The following PTPRD variants were observed in gnomAD, a reference collection of about 807,000 sequenced individuals.
The protein encoded by PTPRD is receptor-type tyrosine-protein phosphatase delta.
PTPRD carries 34 observed loss-of-function variants against 214.5 expected under a neutral mutation model. The ratio of observed to expected loss-of-function variants is 0.16; its 90% CI spans 0.12 to 0.21. The LOEUF is 0.21. Ranked by LOEUF, PTPRD falls within the 10% of genes least tolerant of loss-of-function variation. PTPRD has a pLI of 1.00. For missense variants in PTPRD, 2,545 were observed against 2,398.7 expected (o/e 1.06, Z -1.27); for synonymous variants, 1,128 against 845.7 (o/e 1.33, Z -5.79).
rs1555538041 is a variant in PTPRD at position 10,065,191 on chromosome 9, G to GAAAGAAAGAAAGAAAGAAAGA, written c.-544-31402_-544-31401insTCTTTCTTTCTTTCTTTCTTT. Among the ~76,000 whole-genome samples, 10 of 151,150 alleles carry GAAAGAAAGAAAGAAAGAAAGA rather than the reference G, an allele frequency of 6.6e-5. No individual in the cohort carries two copies. In the East Asian group the frequency reaches 7.8e-4, roughly 12 times the overall value. On this transcript the variant is annotated intron_variant, in intron 3 of 45. Coordinates refer to ENST00000381196, the MANE Select transcript of PTPRD (RefSeq NM_002839.4). ...AGAAAGAAAGAAAGAAAGAAAGAAA[G>GAAAGAAAGAAAGAAAGAAAGA]AAAAGGATGCTTTGCAGAGGTCCAG... is the stretch of plus-strand genomic sequence containing the variant.
At chr9:10,458,651 C>G (rs1379105316) in intron 2 of PTPRD, among the ~76,000 whole-genome samples, 2 of 152,150 alleles carry the variant, frequency 1.3e-5, no homozygotes, top group Admixed American at 1.3e-4. Flanking sequence ...GATGCCCATT[C>G]TTGCCACTTC....
chr9:9,159,910 G>C (rs115396785), intron 10 of PTPRD, among the ~76,000 whole-genome samples: 2,450 of 152,162 alleles, frequency 0.016, 81 homozygotes, highest in African/African-American at 0.057. Flanking sequence ...GTCATTTGTG[G>C]GCAATTGATT....
At chr9:9,579,702 T>C (rs892598042) in intron 7 of PTPRD, among the ~76,000 whole-genome samples, 10 of 152,194 alleles carry the variant, frequency 6.6e-5, no homozygotes, top group African/African-American at 9.6e-5. Flanking sequence ...AGCTTAGAGA[T>C]ACAGATTGTT....
chr9:9,738,921 G>A (rs950408867), intron 6 of PTPRD, among the ~76,000 whole-genome samples: 1 of 151,968 alleles, frequency 6.6e-6, no homozygotes, highest in Non-Finnish European at 1.5e-5. Context: ...TCTTTCAGTA[G>A]ATGCATTCTG....
chr9:8,687,041 A>G (rs10121040), intron 12 of PTPRD, among the ~76,000 whole-genome samples: 2,312 of 152,328 alleles, frequency 0.015, 66 homozygotes, highest in African/African-American at 0.05. Context: ...ATCAATTAAA[A>G]TTATCCTGGG....
At chr9:8,935,864 T>G (rs2098993318) in intron 11 of PTPRD, among the ~76,000 whole-genome samples, 1 of 152,168 alleles carries the variant, frequency 6.6e-6, no homozygotes, top group Non-Finnish European at 1.5e-5. Context: ...CCTTTTGGGG[T>G]TACATCACCA....
intron 11 of PTPRD, among the ~76,000 whole-genome samples, chr9:8,980,007 T>TAC (rs940508562): frequency 1.4e-4 from 21 of 151,108 alleles, no homozygotes; most frequent in Admixed American, 5.9e-4. Context: ...GTGGTGTGTG[T>TAC]ACACACACAC....
intron 3 of PTPRD, among the ~76,000 whole-genome samples, chr9:10,087,397 A>G (rs1468921937): frequency 6.6e-6 from 1 of 151,666 alleles, no homozygotes; most frequent in Non-Finnish European, 1.5e-5. Context: ...AGATGTTCCA[A>G]TAATGCTAAG....
At chr9:9,058,561 TGCCTCA>T (rs1346424634) in intron 10 of PTPRD, among the ~76,000 whole-genome samples, 1 of 144,750 alleles carries the variant, frequency 6.9e-6, no homozygotes, top group African/African-American at 2.5e-5. Flanking sequence ...GCCATTCTCC[TGCCTCA>T]GCCTCCCGAG....
At chr9:8,752,685 T>C (rs914775062) in intron 11 of PTPRD, among the ~76,000 whole-genome samples, 7 of 151,894 alleles carry the variant, frequency 4.6e-5, no homozygotes, top group Admixed American at 3.9e-4. Flanking sequence ...TGAAAGACCA[T>C]GGGGAGCAGA....
intron 43 of PTPRD, among the ~76,000 whole-genome samples, chr9:8,332,955 T>TA (rs1564011710): frequency 3.3e-5 from 5 of 152,146 alleles, no homozygotes; most frequent in Admixed American, 6.5e-5. Context: ...CCCAAGGTTC[T>TA]GGGTAAGTGA....
chr9:8,878,917 C>T (rs1024381487), intron 11 of PTPRD, among the ~76,000 whole-genome samples: 3 of 152,184 alleles, frequency 2.0e-5, no homozygotes, highest in African/African-American at 7.2e-5. Context: ...ACCCTGGTGA[C>T]TCTGGTTAGA....
chr9:9,563,774 C>T (rs1480613313), intron 8 of PTPRD, among the ~76,000 whole-genome samples: 1 of 152,076 alleles, frequency 6.6e-6, no homozygotes, highest in East Asian at 1.9e-4. Flanking sequence ...CATTGGTATG[C>T]CCAAGTAATA....
chr9:10,075,069 A>C (rs1222625147), intron 3 of PTPRD, among the ~76,000 whole-genome samples: 1 of 152,098 alleles, frequency 6.6e-6, no homozygotes, highest in Non-Finnish European at 1.5e-5. Flanking sequence ...TGGAGTAATA[A>C]GTTATTGATG....
At chr9:8,549,085 G>C (rs984268955) in intron 14 of PTPRD, among the ~76,000 whole-genome samples, 3 of 152,124 alleles carry the variant, frequency 2.0e-5, no homozygotes, top group Non-Finnish European at 2.9e-5. Flanking sequence ...GGGGGACAAA[G>C]AGAAAGCCCA....
intron 11 of PTPRD, among the ~76,000 whole-genome samples, chr9:8,912,351 A>G (rs2098754090): frequency 2.0e-5 from 3 of 152,190 alleles, no homozygotes; most frequent in Admixed American, 2.0e-4. Context: ...GATAAACCCT[A>G]AAACATGGAT....
intron 9 of PTPRD, among the ~76,000 whole-genome samples, chr9:9,194,810 G>C (rs2099937310): frequency 6.6e-6 from 1 of 151,994 alleles, no homozygotes; most frequent in Non-Finnish European, 1.5e-5. Flanking sequence ...ATTACTAAAA[G>C]GGGATGTGGA....
At chr9:10,538,706 T>C (rs1590344773) in intron 2 of PTPRD, among the ~76,000 whole-genome samples, 1 of 152,190 alleles carries the variant, frequency 6.6e-6, no homozygotes, top group African/African-American at 2.4e-5. Flanking sequence ...CCTGTTTATC[T>C]TTTAGATTCC....
chr9:10,075,956 G>A (rs769329301), intron 3 of PTPRD, among the ~76,000 whole-genome samples: 9 of 152,034 alleles, frequency 5.9e-5, no homozygotes, highest in Admixed American at 1.3e-4. Context: ...TTTCCATGGA[G>A]TAGCAAAAAT....
Sources: gnomAD v4.1 joint callset for allele counts (sites outside exome capture counted in the v4.1 genomes callset) on GRCh38, gnomAD v4.1.1 for gene constraint, MANE v1.5 for transcripts, NCBI Gene and HGNC (gene_info 2026-07-23, HGNC 2026-07-21) for gene names.